BRI3: variants seen among roughly 807,000 people sequenced by gnomAD.
BRI3 encodes brain protein I3, also known as membrane protein BRI3.
BRI3 carries 6 observed loss-of-function variants against 12.8 expected under a neutral mutation model. The ratio of observed to expected loss-of-function variants is 0.47; its 90% CI spans 0.26 to 0.93. BRI3 has a LOEUF of 0.93. BRI3 is among the 40% of genes least tolerant of loss of function. The pLI, the probability that BRI3 is intolerant of heterozygous loss-of-function variation, is 0.15. For synonymous variants in BRI3, 91 were observed against 76.1 expected, an observed-to-expected ratio of 1.20 and a Z score of -1.02; for missense variants, 134 against 171.1, an observed-to-expected ratio of 0.78 and a Z score of 1.21.
exon 2 of BRI3, chr7:98,309,443 G>C (rs896257036): frequency 6.6e-6 from 1 of 151,936 alleles, no homozygotes; most frequent in East Asian, 2.0e-4. Flanking sequence ...ATGAGTCACC[G>C]CGCCCAATCC....
At chr7:98,319,810 C>T in the BRI3 span, among the ~76,000 whole-genome samples, 3 of 152,156 alleles carry the variant, frequency 2.0e-5, no homozygotes, top group Non-Finnish European at 2.9e-5. Context: ...CTTGGCCTCC[C>T]AAAGTGCTGG....
At chr7:98,298,545 G>A (rs1800285481) in intron 1 of BRI3, among the ~76,000 whole-genome samples, 1 of 152,010 alleles carries the variant, frequency 6.6e-6, no homozygotes, top group South Asian at 2.1e-4. Context: ...CCCAGGAGGT[G>A]GAGTTTGCAG....
intron 1 of BRI3, among the ~76,000 whole-genome samples, chr7:98,298,660 T>C (rs896799203): frequency 1.3e-5 from 2 of 152,092 alleles, no homozygotes; most frequent in African/African-American, 4.8e-5. Flanking sequence ...CTCTCATGGA[T>C]CCCAGTGTTT....
intron 2 of BRI3, among the ~76,000 whole-genome samples, chr7:98,285,378 T>C (rs1799677710): frequency 6.6e-6 from 1 of 152,080 alleles, no homozygotes; most frequent in Non-Finnish European, 1.5e-5. Flanking sequence ...GAGGGGCTGC[T>C]CCCTCCTACC....
downstream of BRI3, among the ~76,000 whole-genome samples, chr7:98,297,577 A>G (rs1800243921): frequency 6.6e-6 from 1 of 152,212 alleles, no homozygotes; most frequent in African/African-American, 2.4e-5. Context: ...ACCTGTCTTC[A>G]GTGTGAAAAC....
At chr7:98,317,435 A>G in the BRI3 span, 8 of 1,555,856 alleles carry the variant, frequency 5.1e-6, no homozygotes, top group Non-Finnish European at 7.0e-6. Context: ...TCACACTTCC[A>G]CTGTGTGTGG....
At chr7:98,307,139 T>G in intron 1 of BRI3, 1 of 162,258 alleles carries the variant, frequency 6.2e-6, no homozygotes, top group Non-Finnish European at 1.4e-5. Context: ...TGAGACAGAG[T>G]CTTGCTCTGT....
In BRI3 at chr7:98,307,789, T is replaced by C. The variant is rs372396280; in HGVS notation, n.419T>C. Reference sequence around the variant, plus strand: ...TGTGCAAAGCTGAGTAAGGTCTTGTTGGAGCCCGCAGTGTGCGGGAAGATG... The same window carrying C: ...TGTGCAAAGCTGAGTAAGGTCTTGTCGGAGCCCGCAGTGTGCGGGAAGATG... On this transcript the variant is annotated non_coding_transcript_exon_variant, in exon 2 of 2. Transcript: ENST00000485422. 2.5e-6 allele frequency: 4 copies of C among 1,614,150 alleles called. No individual in the cohort carries two copies. The African/African-American group carries it at 5.3e-5, about 22-fold the overall frequency.
chr7:98,317,133 G>A, the BRI3 span: 123 of 1,554,592 alleles, frequency 7.9e-5, no homozygotes, highest in East Asian at 2.3e-4. Flanking sequence ...GATTACAGGC[G>A]TGAGCCACCG....
At chr7:98,312,327 A>G (rs569914192), downstream of BRI3, 29 of 1,508,432 alleles carry the variant, frequency 1.9e-5, no homozygotes, top group Admixed American at 3.3e-4. Flanking sequence ...GAGAAAAATG[A>G]CATCACGTCA....
exon 2 of BRI3, chr7:98,310,193 T>C (rs1479912717): frequency 2.3e-6 from 1 of 435,764 alleles, no homozygotes; most frequent in African/African-American, 2.1e-5. Flanking sequence ...GTATGTTTAC[T>C]CTGGATAAAC....
At chr7:98,322,381 T>G in the BRI3 span, among the ~76,000 whole-genome samples, 2 of 152,258 alleles carry the variant, frequency 1.3e-5, no homozygotes, top group Admixed American at 1.3e-4. Flanking sequence ...ATCCTCGACA[T>G]GTCTCAAAGT....
chr7:98,313,430 G>A (rs28505314), downstream of BRI3, among the ~76,000 whole-genome samples: 633 of 152,192 alleles, frequency 4.2e-3, 5 homozygotes, highest in African/African-American at 0.015. Context: ...ACACGGTGGG[G>A]ATATCACGCA....
the BRI3 span, among the ~76,000 whole-genome samples, chr7:98,318,945 CAAAA>C: frequency 2.6e-5 from 3 of 114,586 alleles, no homozygotes; most frequent in Admixed American, 9.2e-5. Context: ...GACTCCATCT[CAAAA>C]AAAAAAAAAA....
intron 2 of BRI3, among the ~76,000 whole-genome samples, chr7:98,290,762 G>A (rs1221280699): frequency 2.6e-5 from 4 of 152,242 alleles, no homozygotes; most frequent in Non-Finnish European, 4.4e-5. Flanking sequence ...GCCTCCCACA[G>A]TGCTGGGATT....
chr7:98,323,388 A>G, the BRI3 span: 10 of 152,232 alleles, frequency 6.6e-5, no homozygotes, highest in Non-Finnish European at 1.3e-4. Flanking sequence ...TTGGCAAAGG[A>G]GATCTACTTA....
At chr7:98,304,846 AAAC>A (rs1210102816), upstream of BRI3, among the ~76,000 whole-genome samples, 3 of 151,140 alleles carry the variant, frequency 2.0e-5, no homozygotes, top group Non-Finnish European at 4.4e-5. Context: ...AGTGGTTTCT[AAAC>A]ATATCCTCAC....
At chr7:98,290,140 A>G (rs1283818282) in intron 2 of BRI3, among the ~76,000 whole-genome samples, 1 of 143,432 alleles carries the variant, frequency 7.0e-6, no homozygotes, top group Non-Finnish European at 1.5e-5. Flanking sequence ...GAGCAGATGT[A>G]TGTGGCTTGT....
Position 98,290,314 on chromosome 7 carries a change from GCCT to G in BRI3, c.246-793_246-791del, listed in dbSNP as rs1799874342. On this transcript the variant is annotated intron_variant, in intron 2 of 2. Coordinates refer to ENST00000297290, the MANE Select transcript of BRI3 (RefSeq NM_015379.5). The stretch of plus-strand genomic sequence containing the variant: ...GGGTTCACGCCATTCTCCTGCCTCA[GCCT>G]CCTGAGTAGCTGGGACTACAGGCGC... 1.3e-5 allele frequency among the ~76,000 whole-genome samples: 2 copies of G among 149,608 alleles called. 1 individual carries two copies. Among genetic ancestry groups the G allele is most frequent in the South Asian group, 4.3e-4 (2 of 4,620 alleles).
Sources: allele counts gnomAD v4.1 joint callset (sites outside exome capture counted in the v4.1 genomes callset), GRCh38; gene constraint gnomAD v4.1.1; transcripts MANE v1.5; gene names NCBI Gene and HGNC (gene_info 2026-07-23, HGNC 2026-07-21).